Variants in SPOCK1 observed in about 807,000 individuals in gnomAD.
SPOCK1 encodes SPARC (osteonectin), cwcv and kazal like domains proteoglycan 1, also known as testican-1.
In SPOCK1, 23 loss-of-function variants were observed where a neutral mutation model predicts 55.3. That is an observed-to-expected ratio of 0.42 (90% CI 0.30 to 0.59). The LOEUF is 0.59. Ranked by LOEUF, SPOCK1 falls within the 20% of genes least tolerant of loss-of-function variation. The pLI, the probability that SPOCK1 is intolerant of heterozygous loss-of-function variation, is 0.22. For synonymous variants in SPOCK1, 226 were observed against 221.0 expected (o/e 1.02, Z -0.20); for missense variants, 499 against 552.5 (o/e 0.90, Z 0.97).
intron 3 of SPOCK1, among the ~76,000 whole-genome samples, chr5:137,242,059 G>A (rs2127100679): frequency 6.6e-6 from 1 of 152,266 alleles, no homozygotes; most frequent in African/African-American, 2.4e-5. Context: ...AATAAGTTAT[G>A]GTCTATTTAA....
At chr5:136,992,876 G>A (rs1750974715) in intron 6 of SPOCK1, 1 of 322,006 alleles carries the variant, frequency 3.1e-6, no homozygotes, top group African/African-American at 2.1e-5. Flanking sequence ...TCACCGTTGT[G>A]TAGCATCCTC....
intron 4 of SPOCK1, among the ~76,000 whole-genome samples, chr5:137,137,983 A>C (rs549149292): frequency 6.6e-6 from 1 of 151,380 alleles, no homozygotes; most frequent in Non-Finnish European, 1.5e-5. Flanking sequence ...CACACACACA[A>C]AATACTCTGC....
intron 3 of SPOCK1, among the ~76,000 whole-genome samples, chr5:137,180,287 G>C (rs1194413145): frequency 7.1e-6 from 1 of 140,710 alleles, no homozygotes. Flanking sequence ...TAAGATGCTA[G>C]TATTAATATT....
At chr5:137,298,130 C>T (rs981341839) in intron 2 of SPOCK1, among the ~76,000 whole-genome samples, 6 of 152,090 alleles carry the variant, frequency 3.9e-5, no homozygotes, top group East Asian at 1.9e-4. Flanking sequence ...ATGAAGATTA[C>T]GTTTAAGGTA....
intron 3 of SPOCK1, among the ~76,000 whole-genome samples, chr5:137,158,460 G>C (rs1427331120): frequency 1.3e-5 from 2 of 152,158 alleles, no homozygotes; most frequent in East Asian, 3.9e-4. Flanking sequence ...CTTCAAAAGG[G>C]TCTCTGGTTA....
intron 9 of SPOCK1, among the ~76,000 whole-genome samples, chr5:136,984,912 C>T (rs1480295350): frequency 2.0e-5 from 3 of 152,206 alleles, no homozygotes; most frequent in South Asian, 4.1e-4. Flanking sequence ...TGCTGGACTT[C>T]GGCCCTGGCT....
At chr5:137,041,415 G>A (rs1751995942) in intron 6 of SPOCK1, among the ~76,000 whole-genome samples, 1 of 152,158 alleles carries the variant, frequency 6.6e-6, no homozygotes, top group African/African-American at 2.4e-5. Context: ...GTGATCTTGA[G>A]TTTGGTGCTG....
At chr5:136,989,148 T>C (rs1222353502) in intron 7 of SPOCK1, among the ~76,000 whole-genome samples, 1 of 152,254 alleles carries the variant, frequency 6.6e-6, no homozygotes, top group African/African-American at 2.4e-5. Flanking sequence ...TGAATGTTAA[T>C]GGCAAAACAA....
At chr5:137,015,238 G>A (rs888242925) in intron 6 of SPOCK1, among the ~76,000 whole-genome samples, 7 of 150,286 alleles carry the variant, frequency 4.7e-5, no homozygotes, top group South Asian at 2.1e-4. Context: ...TCAGGAGATC[G>A]AGACCATCCT....
At chr5:137,253,811 G>T (rs1306161340) in intron 3 of SPOCK1, among the ~76,000 whole-genome samples, 1 of 152,176 alleles carries the variant, frequency 6.6e-6, no homozygotes, top group African/African-American at 2.4e-5. Context: ...AACTCCCTGT[G>T]AGCAACCTAC....
chr5:137,221,862 T>C (rs1755853833), intron 3 of SPOCK1, among the ~76,000 whole-genome samples: 1 of 152,236 alleles, frequency 6.6e-6, no homozygotes, highest in African/African-American at 2.4e-5. Flanking sequence ...CTTCTGGGAA[T>C]GTACACAACC....
intron 3 of SPOCK1, among the ~76,000 whole-genome samples, chr5:137,186,014 A>T (rs531580407): frequency 4.6e-5 from 7 of 152,358 alleles, no homozygotes; most frequent in African/African-American, 1.7e-4. Flanking sequence ...GACCAAATTT[A>T]TCTGTGCCAC....
At chr5:137,063,460 C>T (rs1752435880) in intron 6 of SPOCK1, among the ~76,000 whole-genome samples, 1 of 150,996 alleles carries the variant, frequency 6.6e-6, no homozygotes, top group Non-Finnish European at 1.5e-5. Flanking sequence ...TTCTGATTTG[C>T]CAGAGCTGAA....
At chr5:137,449,877 A>G (rs916383968) in intron 2 of SPOCK1, among the ~76,000 whole-genome samples, 6 of 112,890 alleles carry the variant, frequency 5.3e-5, no homozygotes, top group African/African-American at 2.0e-4. Context: ...ACAAAGTGAG[A>G]TGCTGTCTCA....
chr5:137,439,437 C>T (rs759322781), intron 2 of SPOCK1, among the ~76,000 whole-genome samples: 27 of 152,300 alleles, frequency 1.8e-4, no homozygotes, highest in Non-Finnish European at 2.5e-4. Flanking sequence ...GGCTGAAAAG[C>T]TCATGCTATT....
intron 5 of SPOCK1, among the ~76,000 whole-genome samples, chr5:137,068,636 A>C (rs1326850218): frequency 6.6e-6 from 1 of 152,218 alleles, no homozygotes; most frequent in Non-Finnish European, 1.5e-5. Context: ...AATTATCAGC[A>C]TTTGTATTAT....
chr5:137,257,238 C>T (rs1056905615), intron 3 of SPOCK1, among the ~76,000 whole-genome samples: 4 of 152,164 alleles, frequency 2.6e-5, no homozygotes, highest in Admixed American at 2.6e-4. Flanking sequence ...TATCTCTTAA[C>T]AAAAGTATTT....
In SPOCK1 at chr5:137,326,767, C is replaced by A. The variant is rs368484513; in HGVS notation, c.187-59712G>T. Reference sequence around the variant, plus strand: ...ATTTGGAGCTTATCAGGAGATTCAACCTTTCACAGAAAAATACTATTTGAC... The same window carrying A: ...ATTTGGAGCTTATCAGGAGATTCAAACTTTCACAGAAAAATACTATTTGAC... On this transcript the variant is annotated intron_variant, in intron 2 of 10. Coordinates refer to ENST00000394945, the MANE Select transcript of SPOCK1 (RefSeq NM_004598.4). 9.2e-5 allele frequency among the ~76,000 whole-genome samples: 14 copies of A among 152,314 alleles called. No homozygotes were observed. In the East Asian group the frequency reaches 1.7e-3, roughly 19 times the overall value.
intron 6 of SPOCK1, among the ~76,000 whole-genome samples, chr5:137,015,455 G>A (rs1361353986): frequency 6.6e-6 from 1 of 152,014 alleles, no homozygotes; most frequent in East Asian, 1.9e-4. Context: ...GTCTCAGAGA[G>A]ATAGATAGCA....
Sources: gnomAD v4.1 joint callset for allele counts (sites outside exome capture counted in the v4.1 genomes callset) on GRCh38, gnomAD v4.1.1 for gene constraint, MANE v1.5 for transcripts, NCBI Gene and HGNC (gene_info 2026-07-23, HGNC 2026-07-21) for gene names.